VWC2: variants seen among roughly 807,000 people sequenced by gnomAD.
The protein encoded by VWC2 is brorin.
Under a neutral mutation model 29.8 loss-of-function variants are expected in VWC2, and 14 were observed. The ratio of observed to expected loss-of-function variants is 0.47; its 90% confidence interval spans 0.31 to 0.74. VWC2 has a LOEUF of 0.74. VWC2 is among the 30% of genes least tolerant of loss of function. VWC2 has a pLI of 0.05. For synonymous variants in VWC2, 213 were observed against 199.0 expected (o/e 1.07, Z -0.59); for missense variants, 457 against 459.8 (o/e 0.99, Z 0.05).
Position 49,788,553 on chromosome 7 carries a change from G to A in VWC2, c.696+12422G>A, listed in dbSNP as rs186958112. On this transcript the variant is annotated intron_variant, in intron 2 of 3. Coordinates refer to ENST00000340652, the MANE Select transcript of VWC2 (RefSeq NM_198570.5). ...AGACAGTGTGAGTGTATGTGTAAGT[G>A]TGAGAGTGTGTGAGTGTGGGCATGT... 2.7e-5 allele frequency among the ~76,000 whole-genome samples: 4 copies of A among 149,962 alleles called. No homozygotes were observed. In the East Asian group the frequency reaches 7.9e-4, roughly 30 times the overall value.
chr7:49,838,580 G>A (rs1242638110), intron 3 of VWC2, among the ~76,000 whole-genome samples: 2 of 151,946 alleles, frequency 1.3e-5, no homozygotes, highest in African/African-American at 4.8e-5. Context: ...CTCTGGGACA[G>A]GCTGCAGAGC....
At chr7:49,857,051 T>G (rs1419780377) in intron 3 of VWC2, among the ~76,000 whole-genome samples, 1 of 137,402 alleles carries the variant, frequency 7.3e-6, no homozygotes, top group Non-Finnish European at 1.6e-5. Context: ...AGACGTAACA[T>G]GATATCTACC....
intron 3 of VWC2, among the ~76,000 whole-genome samples, chr7:49,837,307 C>T (rs1325429499): frequency 6.6e-6 from 1 of 152,168 alleles, no homozygotes; most frequent in African/African-American, 2.4e-5. Flanking sequence ...TTTAGACATT[C>T]TTAGAGTAAT....
At chr7:49,888,126 A>C (rs1052419713) in intron 3 of VWC2, among the ~76,000 whole-genome samples, 4 of 152,252 alleles carry the variant, frequency 2.6e-5, no homozygotes, top group African/African-American at 9.6e-5. Flanking sequence ...TTAGTAGCTC[A>C]AAATTGGCCT....
At chr7:49,869,134 T>C (rs1436250903) in intron 3 of VWC2, among the ~76,000 whole-genome samples, 1 of 152,206 alleles carries the variant, frequency 6.6e-6, no homozygotes, top group Admixed American at 6.5e-5. Flanking sequence ...GGAACACTAG[T>C]TATGTGCTTA....
intron 3 of VWC2, among the ~76,000 whole-genome samples, chr7:49,905,957 C>T (rs1793064224): frequency 6.8e-6 from 1 of 147,728 alleles, no homozygotes; most frequent in Admixed American, 6.8e-5. Context: ...AGGAAGTTAC[C>T]TTATATGGTC....
chr7:49,793,936 C>A (rs958614681), intron 2 of VWC2, among the ~76,000 whole-genome samples: 3 of 152,178 alleles, frequency 2.0e-5, no homozygotes, highest in African/African-American at 7.2e-5. Context: ...CAACTCAGAG[C>A]CCACCTGTAG....
chr7:49,781,999 A>G (rs754658011), intron 2 of VWC2, among the ~76,000 whole-genome samples: 3 of 152,230 alleles, frequency 2.0e-5, no homozygotes, highest in Admixed American at 6.5e-5. Flanking sequence ...ATGTGGGGCA[A>G]CAGGTGGCCC....
chr7:49,813,786 A>G (rs2128707914), intron 3 of VWC2, among the ~76,000 whole-genome samples: 1 of 152,234 alleles, frequency 6.6e-6, no homozygotes, highest in Non-Finnish European at 1.5e-5. Context: ...ACAAAAATAC[A>G]CTCTCTATCA....
chr7:49,854,848 A>G (rs1411927850), intron 3 of VWC2, among the ~76,000 whole-genome samples: 2 of 152,228 alleles, frequency 1.3e-5, no homozygotes, highest in African/African-American at 2.4e-5. Flanking sequence ...CAACACCTGG[A>G]AGGGATGGCT....
At chr7:49,818,337 C>T (rs191475267) in intron 3 of VWC2, among the ~76,000 whole-genome samples, 4 of 152,292 alleles carry the variant, frequency 2.6e-5, no homozygotes, top group South Asian at 4.1e-4. Context: ...TCTCAGACAT[C>T]GTTACTCAGT....
intron 3 of VWC2, among the ~76,000 whole-genome samples, chr7:49,860,783 C>T (rs971857055): frequency 6.6e-6 from 1 of 152,154 alleles, no homozygotes; most frequent in Admixed American, 6.5e-5. Flanking sequence ...AGGCCTTAAT[C>T]TAATAGGGTT....
intron 3 of VWC2, among the ~76,000 whole-genome samples, chr7:49,804,835 T>C (rs1435843408): frequency 1.3e-5 from 2 of 152,166 alleles, no homozygotes; most frequent in Non-Finnish European, 2.9e-5. Context: ...ACACCATCAA[T>C]ATATTTACTT....
rs1347054440 is a variant in VWC2 at position 49,775,675 on chromosome 7, C to A, written c.240C>A (p.Ser80Arg). Residue 80 changes from serine to arginine, a missense_variant, in exon 2 of 4, where the codon AGC becomes AGA. Around this residue, in one of 2 missense-constraint regions of VWC2, gnomAD observed 272 missense variants for 202.7 expected, o/e 1.34. Transcript: ENST00000340652. ...GGSGRDWKSK[S>R]GRGLAGREPW... is the part of the protein sequence containing the mutation. ...GCGGCCGGGACTGGAAGAGCAAGAG[C>A]GGCCGTGGGCTCGCCGGCCGTGAGC... 11 of 1,523,994 alleles carry A rather than the reference C, an allele frequency of 7.2e-6. No individual in the cohort carries two copies. The highest frequency in any genetic ancestry group is 3.7e-5 in the South Asian group (3 of 81,074). The allele number at this position is 1,523,994 out of a possible 1,614,324, so 94.4% of individuals were successfully genotyped here. A position where few individuals can be genotyped will look rare whatever the true frequency, so the allele number is the denominator to read the frequency against.
intron 3 of VWC2, among the ~76,000 whole-genome samples, chr7:49,906,257 T>C (rs1233795263): frequency 6.6e-6 from 1 of 152,086 alleles, no homozygotes; most frequent in Non-Finnish European, 1.5e-5. Flanking sequence ...ACAGAGTAAC[T>C]AGTTAAAATA....
intron 3 of VWC2, among the ~76,000 whole-genome samples, chr7:49,873,176 G>T (rs2128724041): frequency 6.6e-6 from 1 of 152,238 alleles, no homozygotes; most frequent in South Asian, 2.1e-4. Context: ...GTCTTGGTCT[G>T]TTCGGGCTGC....
intron 3 of VWC2, among the ~76,000 whole-genome samples, chr7:49,849,679 A>G (rs1380063205): frequency 1.3e-5 from 2 of 152,246 alleles, no homozygotes; most frequent in Non-Finnish European, 2.9e-5. Context: ...ACCATTTGGT[A>G]GTGCCCTATT....
intron 3 of VWC2, among the ~76,000 whole-genome samples, chr7:49,911,091 C>CT (rs1463174654): frequency 6.6e-6 from 1 of 152,146 alleles, no homozygotes; most frequent in Non-Finnish European, 1.5e-5. Context: ...CTTAGTTATG[C>CT]TTTTTCTGTG....
rs962310701 is a variant in VWC2, at chr7:49,915,090, T to C, written c.*2905T>C. On this transcript the variant is annotated 3_prime_UTR_variant, in exon 4 of 4. Transcript: ENST00000340652. ...GGAAATTATCTGATGTCTTAGAGGT[T>C]TTCAAGTTAAATTCATTCTTTCAGT... The C allele has an allele frequency of 4.6e-5, 7 of 152,244 alleles. No homozygotes were observed. The highest frequency in any genetic ancestry group is 4.6e-4 in the Admixed American group (7 of 15,282). The allele number at this position is 152,244 out of a possible 1,614,324, so 9.4% of individuals were successfully genotyped here.
Sources: gnomAD v4.1 joint callset for allele counts (sites outside exome capture counted in the v4.1 genomes callset) on GRCh38, gnomAD v4.1.1 for gene constraint, gnomAD v4.1.1 regional missense constraint, MANE v1.5 for transcripts, NCBI Gene and HGNC (gene_info 2026-07-23, HGNC 2026-07-21) for gene names.